Variants in SPATA17 observed in about 807,000 individuals in gnomAD.
The protein encoded by SPATA17 is spermatogenesis associated 17, also known as spermatogenesis-associated protein 17.
In SPATA17, 53 loss-of-function variants were observed where a neutral mutation model predicts 62.2. The observed-to-expected ratio is 0.85, with a 90% CI of 0.68 to 1.07. The LOEUF is 1.07. SPATA17 is among the 50% of genes least tolerant of loss of function. SPATA17 has a pLI of 0.00. For missense variants in SPATA17, 466 were observed against 425.5 expected, an observed-to-expected ratio of 1.10 and a Z score of -0.84; for synonymous variants, 146 against 146.8, an observed-to-expected ratio of 0.99 and a Z score of 0.04.
intron 9 of SPATA17, among the ~76,000 whole-genome samples, chr1:217,858,114 A>T (rs983246424): frequency 6.6e-6 from 1 of 152,192 alleles, no homozygotes; most frequent in African/African-American, 2.4e-5. Context: ...TTTTTATCTC[A>T]TTTGTATATA....
At chr1:217,816,025 T>G (rs971069234) in intron 9 of SPATA17, among the ~76,000 whole-genome samples, 8 of 152,130 alleles carry the variant, frequency 5.3e-5, no homozygotes, top group Non-Finnish European at 1.0e-4. Flanking sequence ...ATTCCATATA[T>G]ACATATCCTT....
At chr1:217,761,213 A>G (rs1225180862) in intron 6 of SPATA17, among the ~76,000 whole-genome samples, 1 of 152,194 alleles carries the variant, frequency 6.6e-6, no homozygotes, top group African/African-American at 2.4e-5. Context: ...CATTATGGTC[A>G]TCTTTTTCTC....
intron 9 of SPATA17, among the ~76,000 whole-genome samples, chr1:217,804,853 T>C (rs1463269953): frequency 1.3e-5 from 2 of 152,064 alleles, no homozygotes; most frequent in African/African-American, 2.4e-5. Context: ...ACTTCACACA[T>C]GTTAGAATGG....
chr1:217,648,972 GTA>G lies in SPATA17; in HGVS notation c.158+5_158+6del. On this transcript the variant is annotated splice_donor_variant and splice_donor_region_variant and intron_variant, in intron 2 of 10. Transcript: ENST00000366933. LOFTEE classifies it high-confidence loss of function. ...GATGTCAAGTTCGGGCATATATCAG[GTA>G]TATTGCTTTTGTCATGGAAACCTCA... The G allele has an allele frequency of 1.3e-6, 2 of 1,596,274 alleles. No homozygotes were observed.
At chr1:217,824,563 C>G (rs975820780) in intron 9 of SPATA17, among the ~76,000 whole-genome samples, 2 of 150,978 alleles carry the variant, frequency 1.3e-5, no homozygotes, top group Admixed American at 6.6e-5. Context: ...TTGGTTTTCT[C>G]TATACTGTTA....
chr1:217,645,816 A>G (rs1025611510), intron 1 of SPATA17, among the ~76,000 whole-genome samples: 1 of 152,110 alleles, frequency 6.6e-6, no homozygotes, highest in Non-Finnish European at 1.5e-5. Flanking sequence ...AAAATGAAAA[A>G]TTCCTTCTAA....
chr1:217,747,434 A>C (rs1317452776), intron 6 of SPATA17, among the ~76,000 whole-genome samples: 2 of 152,142 alleles, frequency 1.3e-5, no homozygotes, highest in Non-Finnish European at 2.9e-5. Context: ...ATATTGCCAG[A>C]ATTTTTGAGA....
chr1:217,633,520 C>T (rs571976511), intron 1 of SPATA17, among the ~76,000 whole-genome samples: 8 of 151,002 alleles, frequency 5.3e-5, no homozygotes, highest in Non-Finnish European at 4.4e-5. Flanking sequence ...CCAGGGCAGG[C>T]GGATGTCTTG....
intron 8 of SPATA17, among the ~76,000 whole-genome samples, chr1:217,796,321 A>C (rs1372708300): frequency 6.6e-6 from 1 of 152,126 alleles, no homozygotes; most frequent in Non-Finnish European, 1.5e-5. Flanking sequence ...TATATCAGAA[A>C]TTTGTTGCAT....
At chr1:217,742,903 G>A (rs1231195738) in intron 6 of SPATA17, among the ~76,000 whole-genome samples, 1 of 151,498 alleles carries the variant, frequency 6.6e-6, no homozygotes, top group Non-Finnish European at 1.5e-5. Context: ...AGTGGTGAAG[G>A]GTGGGCCCCA....
At chr1:217,855,621 G>A (rs1305421460) in intron 9 of SPATA17, among the ~76,000 whole-genome samples, 1 of 151,692 alleles carries the variant, frequency 6.6e-6, no homozygotes, top group Non-Finnish European at 1.5e-5. Flanking sequence ...CAAGGAACTC[G>A]ATCATTTATC....
At position 217,801,816 on chromosome 1, in the gene SPATA17, G is replaced by A. The variant is rs779401291; in HGVS notation, c.971G>A (p.Arg324Gln). The A allele has an allele frequency of 5.0e-6, 8 of 1,610,262 alleles. No homozygotes were observed. Among genetic ancestry groups the A allele is most frequent in the Admixed American group, 1.7e-5 (1 of 59,106 alleles). Residue 324 changes from arginine to glutamine, a missense_variant, in exon 9 of 11, where the codon CGA (arginine) becomes CAA (glutamine). Arg to Gln is a conservative substitution (Grantham distance 43, BLOSUM62 1). Coordinates refer to ENST00000366933, the MANE Select transcript of SPATA17 (RefSeq NM_138796.4). Reference sequence around the variant, plus strand: ...CCTATTTCTTACAAAGAACAATTCCGAAGTGAAAATCCTAAGAAATGGATC... The same window carrying A: ...CCTATTTCTTACAAAGAACAATTCCAAAGTGAAAATCCTAAGAAATGGATC... ...YGPISYKEQF[R>Q]SENPKKWICD...
chr1:217,699,497 A>T (rs551291109), intron 5 of SPATA17, among the ~76,000 whole-genome samples: 1 of 152,164 alleles, frequency 6.6e-6, no homozygotes, highest in Non-Finnish European at 1.5e-5. Context: ...TGCCATTTGC[A>T]TATACTTTTT....
chr1:217,652,379 C>T (rs1236174188), intron 3 of SPATA17, among the ~76,000 whole-genome samples: 1 of 152,036 alleles, frequency 6.6e-6, no homozygotes, highest in Non-Finnish European at 1.5e-5. Context: ...TTACAGGCTC[C>T]AGCCACCACA....
chr1:217,718,695 G>A (rs866860936), intron 5 of SPATA17, among the ~76,000 whole-genome samples: 1 of 152,110 alleles, frequency 6.6e-6, no homozygotes, highest in Admixed American at 6.6e-5. Context: ...GTAGGAAGAA[G>A]AAGAAGAAGA....
intron 9 of SPATA17, among the ~76,000 whole-genome samples, chr1:217,832,166 C>A (rs1033485794): frequency 1.3e-5 from 2 of 152,040 alleles, no homozygotes; most frequent in African/African-American, 2.4e-5. Flanking sequence ...AAATCCTTAT[C>A]TACTTTCCAG....
At chr1:217,856,221 A>T (rs1675782865) in intron 9 of SPATA17, among the ~76,000 whole-genome samples, 1 of 152,186 alleles carries the variant, frequency 6.6e-6, no homozygotes, top group South Asian at 2.1e-4. Context: ...TTAAAAGTGT[A>T]TTTGAGTTTC....
Position 217,669,782 on chromosome 1 carries a change from T to C in SPATA17, c.291+699T>C, listed in dbSNP as rs146228573. On this transcript the variant is annotated intron_variant, in intron 4 of 10. Transcript: ENST00000366933. ...AATCTGTTAGTTCTTCTGCAAATAATGGATTTTATTTTGAGTGAGGCAAGG... is the reference window on the plus strand; with the variant it reads ...AATCTGTTAGTTCTTCTGCAAATAACGGATTTTATTTTGAGTGAGGCAAGG... 5.8e-3 allele frequency among the ~76,000 whole-genome samples: 881 copies of C among 152,330 alleles called. 9 individuals carry two copies. The highest frequency in any genetic ancestry group is 0.02 in the African/African-American group (843 of 41,578).
intron 6 of SPATA17, among the ~76,000 whole-genome samples, chr1:217,760,195 G>A (rs1673138869): frequency 6.6e-6 from 1 of 152,210 alleles, no homozygotes; most frequent in South Asian, 2.1e-4. Flanking sequence ...AGTTTGAGTG[G>A]TGATAAAAGA....
Sources: allele counts gnomAD v4.1 joint callset (sites outside exome capture counted in the v4.1 genomes callset), GRCh38; gene constraint gnomAD v4.1.1; transcripts MANE v1.5; gene names NCBI Gene and HGNC (gene_info 2026-07-23, HGNC 2026-07-21).